DNM3: variants seen among roughly 807,000 people sequenced by gnomAD.
DNM3 encodes dynamin 3.
A neutral mutation model predicts 101.6 loss-of-function variants in DNM3; 47 were observed. The observed-to-expected ratio is 0.46, with a 90% confidence interval of 0.37 to 0.59. The LOEUF is 0.59. Ranked by LOEUF, DNM3 falls within the 20% of genes least tolerant of loss-of-function variation. DNM3 has a pLI of 0.00. For missense variants in DNM3, 849 were observed against 1,085.7 expected (o/e 0.78, Z 3.06); for synonymous variants, 385 against 387.9 (o/e 0.99, Z 0.09).
intron 14 of DNM3, among the ~76,000 whole-genome samples, chr1:172,212,502 C>T (rs1480643887): frequency 1.3e-5 from 2 of 152,134 alleles, no homozygotes; most frequent in African/African-American, 4.8e-5. Flanking sequence ...CTTTAAACAA[C>T]GTTGCCTTCA....
chr1:172,269,855 G>T (rs977861605), intron 15 of DNM3, among the ~76,000 whole-genome samples: 2 of 152,120 alleles, frequency 1.3e-5, no homozygotes, highest in Non-Finnish European at 2.9e-5. Flanking sequence ...GCAACCTAGG[G>T]AGCAGAGCTC....
chr1:172,256,558 A>C (rs970745695), intron 15 of DNM3, among the ~76,000 whole-genome samples: 1 of 151,866 alleles, frequency 6.6e-6, no homozygotes, highest in African/African-American at 2.4e-5. Flanking sequence ...TTTTATTTCT[A>C]ATATTAATCC....
At chr1:172,391,149 T>C (rs2069506151) in intron 20 of DNM3, among the ~76,000 whole-genome samples, 1 of 152,210 alleles carries the variant, frequency 6.6e-6, no homozygotes, top group Non-Finnish European at 1.5e-5. Context: ...GACAGTTGCC[T>C]TATTTGAAAT....
intron 1 of DNM3, among the ~76,000 whole-genome samples, chr1:171,914,237 A>G (rs978954047): frequency 7.2e-5 from 11 of 152,058 alleles, no homozygotes; most frequent in Admixed American, 1.3e-4. Flanking sequence ...GGCTCACCGC[A>G]ACCTCCGCCT....
At chr1:172,235,392 G>A (rs1170003826) in intron 14 of DNM3, among the ~76,000 whole-genome samples, 6 of 152,186 alleles carry the variant, frequency 3.9e-5, no homozygotes, top group Non-Finnish European at 8.8e-5. Context: ...CTTTTACACT[G>A]TTGGTGGGAC....
intron 14 of DNM3, among the ~76,000 whole-genome samples, chr1:172,240,843 T>C (rs1176157933): frequency 6.6e-6 from 1 of 152,134 alleles, no homozygotes. Context: ...AAAATATAAA[T>C]TGCAATGCCT....
chr1:172,188,675 T>G (rs1366081691), intron 14 of DNM3, among the ~76,000 whole-genome samples: 1 of 152,086 alleles, frequency 6.6e-6, no homozygotes, highest in Non-Finnish European at 1.5e-5. Flanking sequence ...TGTTTTAAAT[T>G]CATTTGGGTG....
At chr1:172,387,076 A>C (rs1029654001) in intron 18 of DNM3, 57 bp from the exon 19 acceptor site, 330 of 1,428,118 alleles carry the variant, frequency 2.3e-4, no homozygotes, top group Non-Finnish European at 3.2e-4. Flanking sequence ...CCATGTTTCT[A>C]CCTCCACTCA....
chr1:172,373,452 T>C (rs2068449594), intron 17 of DNM3, among the ~76,000 whole-genome samples: 2 of 152,108 alleles, frequency 1.3e-5, no homozygotes, highest in Admixed American at 6.6e-5. Context: ...ATCTTATTAA[T>C]AAAGCACTCA....
At chr1:172,119,779 T>C (rs1016511247) in intron 13 of DNM3, among the ~76,000 whole-genome samples, 1 of 152,184 alleles carries the variant, frequency 6.6e-6, no homozygotes, top group African/African-American at 2.4e-5. Flanking sequence ...CCTCCTACTC[T>C]CTGTCCATGA....
chr1:172,159,430 C>T (rs1198229771), intron 14 of DNM3, among the ~76,000 whole-genome samples: 2 of 152,048 alleles, frequency 1.3e-5, no homozygotes, highest in East Asian at 1.9e-4. Flanking sequence ...TAGAACTGAA[C>T]TTATTTTCAT....
chr1:172,126,842 C>T (rs2056650449), intron 13 of DNM3, among the ~76,000 whole-genome samples: 1 of 152,030 alleles, frequency 6.6e-6, no homozygotes, highest in Non-Finnish European at 1.5e-5. Flanking sequence ...ACCTGAATTA[C>T]TCTCTTGCCT....
intron 12 of DNM3, among the ~76,000 whole-genome samples, chr1:172,086,920 C>T (rs889620968): frequency 2.0e-4 from 31 of 152,192 alleles, no homozygotes; most frequent in Admixed American, 2.0e-4. Flanking sequence ...TAGAGGCACA[C>T]TCTGATATTT....
chr1:171,911,433 A>C (rs2039294541), intron 1 of DNM3, among the ~76,000 whole-genome samples: 1 of 151,940 alleles, frequency 6.6e-6, no homozygotes, highest in African/African-American at 2.4e-5. Flanking sequence ...CAAGTGCGTG[A>C]CACCACGCCC....
chr1:172,361,492 G>T (rs982708045), intron 17 of DNM3, among the ~76,000 whole-genome samples: 2 of 151,882 alleles, frequency 1.3e-5, no homozygotes, highest in African/African-American at 4.8e-5. Context: ...TAACTCCCCT[G>T]CTTTTCCCAG....
intron 10 of DNM3, among the ~76,000 whole-genome samples, chr1:172,060,958 G>A: frequency 9.2e-6 from 1 of 109,014 alleles, no homozygotes. Flanking sequence ...TCTGACAAAG[G>A]GCTGATATCC....
chr1:172,262,853 G>T (rs1000785314), intron 15 of DNM3, among the ~76,000 whole-genome samples: 30 of 152,016 alleles, frequency 2.0e-4, no homozygotes, highest in African/African-American at 6.3e-4. Context: ...GTGACCTTTG[G>T]AGGTTCCTGG....
intron 9 of DNM3, among the ~76,000 whole-genome samples, chr1:172,045,407 T>G (rs2049713527): frequency 6.6e-6 from 1 of 152,100 alleles, no homozygotes; most frequent in African/African-American, 2.4e-5. Flanking sequence ...TGCTGTCTTC[T>G]TATTCTGTCC....
At chr1:172,107,125 G>T (rs1237545908) in intron 13 of DNM3, among the ~76,000 whole-genome samples, 1 of 151,698 alleles carries the variant, frequency 6.6e-6, no homozygotes, top group African/African-American at 2.4e-5. Context: ...CTCCCAAAGT[G>T]CTGGGATTAC....
Sources: gnomAD v4.1 joint callset for allele counts (sites outside exome capture counted in the v4.1 genomes callset) on GRCh38, gnomAD v4.1.1 for gene constraint, MANE v1.5 for transcripts, NCBI Gene and HGNC (gene_info 2026-07-23, HGNC 2026-07-21) for gene names.